The following PDE8A variants were observed in gnomAD, a reference collection of about 807,000 sequenced individuals.
The protein encoded by PDE8A is phosphodiesterase 8A.
PDE8A carries 59 observed loss-of-function variants against 105.0 expected under a neutral mutation model. That is an observed-to-expected ratio of 0.56 (90% CI 0.46 to 0.70). PDE8A has a LOEUF of 0.70. PDE8A is among the 30% of genes least tolerant of loss of function. PDE8A has a pLI of 0.00. For synonymous variants in PDE8A, 355 were observed against 371.9 expected (o/e 0.95, Z 0.52); for missense variants, 1,014 against 1,045.9 (o/e 0.97, Z 0.42).
At chr15:85,007,859 TG>T (rs946163720) in intron 1 of PDE8A, among the ~76,000 whole-genome samples, 22 of 152,150 alleles carry the variant, frequency 1.4e-4, no homozygotes, top group African/African-American at 5.1e-4. Flanking sequence ...AGAGAGCTCT[TG>T]GACATTCTGC....
chr15:85,101,636 G>A (rs968486263), intron 11 of PDE8A, among the ~76,000 whole-genome samples: 2 of 152,204 alleles, frequency 1.3e-5, no homozygotes. Flanking sequence ...CTTAGAGCAT[G>A]TATGTAAGAT....
intron 5 of PDE8A, among the ~76,000 whole-genome samples, chr15:85,077,976 A>G (rs1023696231): frequency 1.3e-5 from 2 of 152,048 alleles, no homozygotes; most frequent in Non-Finnish European, 2.9e-5. Context: ...AGTTGTGTAT[A>G]TGTAACTGGA....
Position 85,075,869 on chromosome 15 carries a change from A to G in PDE8A, c.442A>G (p.Arg148Gly), listed in dbSNP as rs371778015. 7.8e-6 allele frequency: 12 copies of G among 1,545,254 alleles called. No individual in the cohort carries two copies. The African/African-American group carries it at 1.4e-4, about 18-fold the overall frequency. ...LDAEALCRSIRSSKLSENTVI... is the reference protein window; with the variant it reads ...LDAEALCRSIGSSKLSENTVI... ...TTTTGTGTTTTTTTTAAGGTCTATCAGATCATCAAAACTCTCAGAAAACAC... is the reference window on the plus strand; with the variant it reads ...TTTTGTGTTTTTTTTAAGGTCTATCGGATCATCAAAACTCTCAGAAAACAC... The change falls in exon 4 of 22, where the codon AGA (arginine) becomes GGA (glycine). Residue 148 changes from arginine to glycine, a missense_variant. Arg to Gly is a moderately radical substitution (Grantham distance 125). Coordinates refer to ENST00000394553, the MANE Select transcript of PDE8A (RefSeq NM_002605.3).
intron 1 of PDE8A, among the ~76,000 whole-genome samples, chr15:84,994,049 C>G (rs1812626860): frequency 6.6e-6 from 1 of 152,194 alleles, no homozygotes; most frequent in Non-Finnish European, 1.5e-5. Flanking sequence ...GATCTGTCCT[C>G]CGTGTCTCTT....
intron 1 of PDE8A, among the ~76,000 whole-genome samples, chr15:85,016,922 C>T (rs1490490722): frequency 6.7e-6 from 1 of 148,314 alleles, no homozygotes; most frequent in Admixed American, 6.7e-5. Flanking sequence ...AGGATTTTCT[C>T]TTCCATTATG....
chr15:85,133,248 C>T lies in PDE8A; in HGVS notation c.2254-3286C>T, dbSNP rs576437467. On this transcript the variant is annotated intron_variant, in intron 20 of 21. Transcript: ENST00000394553. Reference sequence around the variant, plus strand: ...CCTTAGATGATCTGTTGTTGGTCTCCGCTCATAATCTCTTGTCTTCAGGCA... The same window carrying T: ...CCTTAGATGATCTGTTGTTGGTCTCTGCTCATAATCTCTTGTCTTCAGGCA... Among the ~76,000 whole-genome samples the T allele has an allele frequency of 1.2e-3, 183 of 152,222 alleles. 1 individual carries two copies. The highest frequency in any genetic ancestry group is 0.011 in the Admixed American group (161 of 15,306).
chr15:85,014,010 G>C (rs1033206020), intron 1 of PDE8A, among the ~76,000 whole-genome samples: 2 of 152,160 alleles, frequency 1.3e-5, no homozygotes, highest in African/African-American at 4.8e-5. Flanking sequence ...GTTTGACCTA[G>C]CCTAGACTAC....
chr15:85,090,282 A>C lies in PDE8A; in HGVS notation c.715-762A>C, dbSNP rs142731295. Among the ~76,000 whole-genome samples, 37 of 152,332 alleles carry C rather than the reference A, an allele frequency of 2.4e-4. No homozygotes were observed. In the East Asian group the frequency reaches 6.9e-3, roughly 29 times the overall value. On this transcript the variant is annotated intron_variant, in intron 7 of 21. Coordinates refer to ENST00000394553, the MANE Select transcript of PDE8A (RefSeq NM_002605.3). The stretch of plus-strand genomic sequence containing the variant: ...AAATGGAAATAATATTAGTAAGAAC[A>C]ACAGCCTGCCTTTTGTAAGGATGTC...
intron 20 of PDE8A, among the ~76,000 whole-genome samples, chr15:85,130,967 G>C (rs1189306725): frequency 6.6e-6 from 1 of 152,056 alleles, no homozygotes; most frequent in Non-Finnish European, 1.5e-5. Flanking sequence ...ATGTTGGTCA[G>C]GCTGGTCTCT....
intron 1 of PDE8A, among the ~76,000 whole-genome samples, chr15:85,004,387 C>T (rs1215888677): frequency 6.6e-6 from 1 of 152,196 alleles, no homozygotes; most frequent in East Asian, 1.9e-4. Context: ...CTGTCCCAAT[C>T]AGACTATGGA....
chr15:85,044,724 A>G (rs2141404112), intron 1 of PDE8A, among the ~76,000 whole-genome samples: 1 of 152,270 alleles, frequency 6.6e-6, no homozygotes, highest in African/African-American at 2.4e-5. Flanking sequence ...TCTTGTTTGG[A>G]CTACTGCAGA....
chr15:85,085,332 T>G (rs12904386), intron 6 of PDE8A, among the ~76,000 whole-genome samples: 84,674 of 152,048 alleles, frequency 0.56, 24,956 homozygotes, highest in African/African-American at 0.77. Flanking sequence ...GTCTTGTTCT[T>G]TCAGATACTA....
chr15:85,035,425 G>T (rs897378864), intron 1 of PDE8A, among the ~76,000 whole-genome samples: 2 of 152,012 alleles, frequency 1.3e-5, no homozygotes, highest in Admixed American at 1.3e-4. Context: ...AGCCAGGCTG[G>T]TCTCAAGCTC....
chr15:85,078,631 A>G (rs1051758590), intron 5 of PDE8A, among the ~76,000 whole-genome samples: 2 of 152,044 alleles, frequency 1.3e-5, no homozygotes, highest in Admixed American at 1.3e-4. Flanking sequence ...TTCAACAATG[A>G]AGGTGAAATA....
At chr15:85,076,260 T>C (rs2081379576) in intron 4 of PDE8A, among the ~76,000 whole-genome samples, 1 of 152,172 alleles carries the variant, frequency 6.6e-6, no homozygotes, top group African/African-American at 2.4e-5. Context: ...GTTTTGTCTT[T>C]AAATTGGAGG....
At chr15:84,987,994 T>C (rs2079830908) in intron 1 of PDE8A, among the ~76,000 whole-genome samples, 1 of 152,350 alleles carries the variant, frequency 6.6e-6, no homozygotes, top group African/African-American at 2.4e-5. Context: ...GGTGATGGAT[T>C]CTGCAGTTCT....
At chr15:85,080,537 G>A (rs145734514) in intron 5 of PDE8A, among the ~76,000 whole-genome samples, 9 of 152,308 alleles carry the variant, frequency 5.9e-5, no homozygotes, top group Non-Finnish European at 1.2e-4. Context: ...ACAGCCGCAT[G>A]AGGTCATTAA....
intron 1 of PDE8A, among the ~76,000 whole-genome samples, chr15:85,054,417 TGG>T (rs988417323): frequency 1.3e-5 from 2 of 152,202 alleles, no homozygotes; most frequent in African/African-American, 4.8e-5. Flanking sequence ...TTTGTACGTC[TGG>T]TAGAATTCAG....
intron 1 of PDE8A, among the ~76,000 whole-genome samples, chr15:85,056,152 C>CT (rs2081056067): frequency 6.6e-6 from 1 of 152,186 alleles, no homozygotes; most frequent in Non-Finnish European, 1.5e-5. Flanking sequence ...CCTCTTCTGG[C>CT]TTGTAGAGTT....
Sources: allele counts gnomAD v4.1 joint callset (sites outside exome capture counted in the v4.1 genomes callset), GRCh38; gene constraint gnomAD v4.1.1; transcripts MANE v1.5; gene names NCBI Gene and HGNC (gene_info 2026-07-23, HGNC 2026-07-21).